The following PBX1 variants were observed in gnomAD, a reference collection of about 807,000 sequenced individuals.
PBX1 encodes PBX homeobox 1.
A neutral mutation model predicts 53.4 loss-of-function variants in PBX1; 6 were observed. The observed-to-expected ratio is 0.11, with a 90% CI of 0.06 to 0.22. The LOEUF (loss-of-function observed/expected upper bound fraction) is 0.22. Ranked by LOEUF, PBX1 falls within the 10% of genes least tolerant of loss-of-function variation. The probability of loss-of-function intolerance (pLI) is 1.00; values close to 1 mark genes in which losing one functional copy is unlikely to be tolerated. For synonymous variants in PBX1, 204 were observed against 212.3 expected, an observed-to-expected ratio of 0.96 and a Z score of 0.34; for missense variants, 251 against 551.4, an observed-to-expected ratio of 0.46 and a Z score of 5.46.
intron 2 of PBX1, among the ~76,000 whole-genome samples, chr1:164,873,896 T>C (rs1056769064): frequency 2.2e-4 from 33 of 151,860 alleles, no homozygotes; most frequent in Non-Finnish European, 3.1e-4. Context: ...TAAAAAAAAA[T>C]TACAGGAGTA....
At chr1:164,600,369 A>G (rs182447095) in intron 2 of PBX1, among the ~76,000 whole-genome samples, 2 of 149,556 alleles carry the variant, frequency 1.3e-5, no homozygotes, top group Admixed American at 6.8e-5. Context: ...TTCCTGCCTC[A>G]GCCTCCCGAG....
chr1:164,776,508 CCT>C (rs1343133641), intron 2 of PBX1, among the ~76,000 whole-genome samples: 1 of 152,182 alleles, frequency 6.6e-6, no homozygotes, highest in Non-Finnish European at 1.5e-5. Context: ...CATTCCCACC[CCT>C]CTTTTTCCTT....
At chr1:164,609,245 C>T (rs112123329) in intron 2 of PBX1, among the ~76,000 whole-genome samples, 1 of 151,722 alleles carries the variant, frequency 6.6e-6, no homozygotes, top group Non-Finnish European at 1.5e-5. Context: ...TTTTTTCTTT[C>T]CTGAGTGATA....
At chr1:164,602,709 G>GAA (rs113484614) in intron 2 of PBX1, among the ~76,000 whole-genome samples, 10,775 of 118,096 alleles carry the variant, frequency 0.091, 457 homozygotes, top group Non-Finnish European at 0.11. Context: ...CAAACAGATT[G>GAA]AAAAAAAAAA....
intron 6 of PBX1, chr1:164,817,206 C>G (rs895465311): frequency 6.6e-6 from 1 of 152,296 alleles, no homozygotes; most frequent in Middle Eastern, 3.4e-3. Context: ...TCTGAATGAT[C>G]TTCTCAGCAA....
chr1:164,608,312 T>C (rs1656691760), intron 2 of PBX1, among the ~76,000 whole-genome samples: 1 of 152,200 alleles, frequency 6.6e-6, no homozygotes, highest in Non-Finnish European at 1.5e-5. Context: ...TTAGAAGGAA[T>C]GGGAAAGGAC....
At chr1:164,577,450 C>A (rs1654330044) in intron 2 of PBX1, among the ~76,000 whole-genome samples, 2 of 152,182 alleles carry the variant, frequency 1.3e-5, no homozygotes, top group Non-Finnish European at 2.9e-5. Flanking sequence ...CCCCCTCCTG[C>A]CCATGCACGC....
At chr1:164,625,157 G>A (rs950300538) in intron 2 of PBX1, among the ~76,000 whole-genome samples, 2 of 152,078 alleles carry the variant, frequency 1.3e-5, no homozygotes, top group Non-Finnish European at 2.9e-5. Flanking sequence ...TTTTGTTTAG[G>A]ATTAAAATGC....
At chr1:164,731,065 ATG>A (rs143587236) in intron 2 of PBX1, among the ~76,000 whole-genome samples, 3 of 151,166 alleles carry the variant, frequency 2.0e-5, no homozygotes, top group Admixed American at 6.6e-5. Flanking sequence ...TTCCGTGTTT[ATG>A]TGTGTGTGTG....
intron 8 of PBX1, among the ~76,000 whole-genome samples, chr1:164,838,879 T>C (rs1671165666): frequency 6.6e-6 from 1 of 152,190 alleles, no homozygotes; most frequent in African/African-American, 2.4e-5. Flanking sequence ...AGTGCTTAAT[T>C]GAGCAGCTGC....
chr1:164,688,712 C>G (rs1662271471), intron 2 of PBX1, among the ~76,000 whole-genome samples: 1 of 152,152 alleles, frequency 6.6e-6, no homozygotes, highest in South Asian at 2.1e-4. Context: ...TCCATTCTTC[C>G]CCCAATATCT....
chr1:164,870,358 T>TTTCTTTCC (rs1672352660), intron 2 of PBX1, among the ~76,000 whole-genome samples: 2 of 103,672 alleles, frequency 1.9e-5, no homozygotes, highest in Non-Finnish European at 4.1e-5. Context: ...TCTTTCTTTC[T>TTTCTTTCC]TTCGAGATGA....
chr1:164,814,653 T>C (rs946365310), intron 6 of PBX1: 9 of 152,264 alleles, frequency 5.9e-5, no homozygotes, highest in African/African-American at 2.2e-4. Context: ...GGCAGAAGAA[T>C]CCCTTGAACC....
rs535382840 is a variant in PBX1 at position 164,604,097 on chromosome 1, C to T, written c.265+40786C>T. Among the ~76,000 whole-genome samples, 3 of 151,912 alleles carry T rather than the reference C, an allele frequency of 2.0e-5. No homozygotes were observed. In the East Asian group the frequency reaches 5.8e-4, roughly 29 times the overall value. The stretch of plus-strand genomic sequence containing the variant: ...CTGGGACTATAGGTGTGTGCCACCA[C>T]ATCCAGCTAATCTTTTGTATTTTAG... On this transcript the variant is annotated intron_variant, in intron 2 of 8. Coordinates refer to ENST00000420696, the MANE Select transcript of PBX1 (RefSeq NM_002585.4).
intron 4 of PBX1, among the ~76,000 whole-genome samples, chr1:164,805,742 A>G (rs1669316705): frequency 6.6e-6 from 1 of 152,152 alleles, no homozygotes; most frequent in African/African-American, 2.4e-5. Context: ...TCAAATTCCC[A>G]TCATGCAAGA....
intron 8 of PBX1, among the ~76,000 whole-genome samples, chr1:164,822,280 C>A (rs1647032123): frequency 6.6e-6 from 1 of 152,074 alleles, no homozygotes; most frequent in Admixed American, 6.6e-5. Context: ...GATCAATCGT[C>A]TGCTTTCTCA....
intron 2 of PBX1, among the ~76,000 whole-genome samples, chr1:164,721,022 G>A (rs1268630365): frequency 6.6e-6 from 1 of 152,178 alleles, no homozygotes; most frequent in East Asian, 1.9e-4. Context: ...ATCTTTGGTA[G>A]GCATCATGTT....
At chr1:164,642,161 C>G (rs1179227378) in intron 2 of PBX1, 1 of 152,164 alleles carries the variant, frequency 6.6e-6, no homozygotes. Flanking sequence ...GAACTCTGTG[C>G]ATTTCCACAT....
At chr1:164,631,286 CT>C (rs987731570) in intron 2 of PBX1, among the ~76,000 whole-genome samples, 103 of 140,430 alleles carry the variant, frequency 7.3e-4, no homozygotes, top group East Asian at 3.6e-3. Flanking sequence ...TTTTTTTTTT[CT>C]TTTTTTTTTT....
Sources: gnomAD v4.1 joint callset for allele counts (sites outside exome capture counted in the v4.1 genomes callset) on GRCh38, gnomAD v4.1.1 for gene constraint, MANE v1.5 for transcripts, NCBI Gene and HGNC (gene_info 2026-07-23, HGNC 2026-07-21) for gene names.